The following GUCY1A2 variants were observed in gnomAD, a reference collection of about 807,000 sequenced individuals.
The protein encoded by GUCY1A2 is guanylate cyclase soluble subunit alpha-2.
In GUCY1A2, 27 loss-of-function variants were observed where a neutral mutation model predicts 63.5. The ratio of observed to expected loss-of-function variants is 0.43; its 90% CI spans 0.31 to 0.59. GUCY1A2 has a LOEUF of 0.59. Ranked by LOEUF, GUCY1A2 falls within the 20% of genes least tolerant of loss-of-function variation. The pLI, the probability that GUCY1A2 is intolerant of heterozygous loss-of-function variation, is 0.11. For missense variants in GUCY1A2, 768 were observed against 913.3 expected, an observed-to-expected ratio of 0.84 and a Z score of 2.05; for synonymous variants, 364 against 343.5, an observed-to-expected ratio of 1.06 and a Z score of -0.66.
At chr11:106,907,471 T>A (rs989327653) in intron 4 of GUCY1A2, among the ~76,000 whole-genome samples, 6 of 151,968 alleles carry the variant, frequency 3.9e-5, no homozygotes, top group African/African-American at 1.4e-4. Flanking sequence ...TAGTTACATA[T>A]GTATACATGT....
chr11:106,787,520 G>A (rs1263030451), intron 5 of GUCY1A2, among the ~76,000 whole-genome samples: 9 of 141,242 alleles, frequency 6.4e-5, no homozygotes, highest in Middle Eastern at 3.6e-3. Flanking sequence ...AAAGGAAAGA[G>A]AGAAAGGGAG....
chr11:107,000,013 C>G (rs2120179096), intron 1 of GUCY1A2, among the ~76,000 whole-genome samples: 1 of 152,284 alleles, frequency 6.6e-6, no homozygotes, highest in Admixed American at 6.5e-5. Flanking sequence ...CTTAGAAAAT[C>G]AGTAGGCAGC....
At chr11:106,823,833 A>G (rs1257782225) in intron 4 of GUCY1A2, among the ~76,000 whole-genome samples, 1 of 152,080 alleles carries the variant, frequency 6.6e-6, no homozygotes, top group Non-Finnish European at 1.5e-5. Context: ...ACTGATCATT[A>G]TATCATGTGT....
At chr11:106,982,004 CTACTT>C (rs1861342758) in intron 2 of GUCY1A2, among the ~76,000 whole-genome samples, 2 of 152,128 alleles carry the variant, frequency 1.3e-5, no homozygotes, top group African/African-American at 2.4e-5. Context: ...ACTATGCTAA[CTACTT>C]TATGTGATTA....
Position 106,679,168 on chromosome 11 carries a change from C to T in GUCY1A2, c.*8381G>A, listed in dbSNP as rs180765978. 2.0e-3 allele frequency: 376 copies of T among 186,176 alleles called. 9 individuals carry two copies. Among genetic ancestry groups the T allele is most frequent in the Non-Finnish European group, 1.0e-3 (90 of 88,062 alleles). The allele number at this position is 186,176 out of a possible 1,614,324, so 11.5% of individuals were successfully genotyped here. On this transcript the variant is annotated 3_prime_UTR_variant, in exon 8 of 8. Coordinates refer to ENST00000526355, the MANE Select transcript of GUCY1A2 (RefSeq NM_000855.3). The stretch of plus-strand genomic sequence containing the variant: ...AAAAATTGCTCAGGTTTGTTCCCTC[C>T]TTTTAAAGTTTCTGTTCTAAACAAA...
chr11:106,763,600 C>A (rs1864107227), intron 6 of GUCY1A2, among the ~76,000 whole-genome samples: 1 of 152,028 alleles, frequency 6.6e-6, no homozygotes, highest in Admixed American at 6.6e-5. Context: ...ATCCTAGAAT[C>A]AGAAAATCTG....
At position 106,753,521 on chromosome 11, in the gene GUCY1A2, C is replaced by G. The variant is rs571515300; in HGVS notation, c.1836+22918G>C. ...AGGTCTTACATTTAAGTCTTTAATCCATCTTGAATTAATTTTTGTATAAGG... is the reference window on the plus strand; with the variant it reads ...AGGTCTTACATTTAAGTCTTTAATCGATCTTGAATTAATTTTTGTATAAGG... On this transcript the variant is annotated intron_variant, in intron 6 of 7. Transcript: ENST00000526355. Among the ~76,000 whole-genome samples, 3 of 152,154 alleles carry G rather than the reference C, an allele frequency of 2.0e-5. No individual in the cohort carries two copies. In the East Asian group the frequency reaches 5.8e-4, roughly 29 times the overall value.
chr11:107,001,155 A>G (rs968184406), intron 1 of GUCY1A2, among the ~76,000 whole-genome samples: 1 of 152,218 alleles, frequency 6.6e-6, no homozygotes, highest in Non-Finnish European at 1.5e-5. Context: ...TCTTTCTGAA[A>G]TTTCATTCCT....
chr11:106,692,154 C>A (rs892038845), intron 7 of GUCY1A2, among the ~76,000 whole-genome samples: 3 of 152,146 alleles, frequency 2.0e-5, no homozygotes, highest in African/African-American at 7.2e-5. Context: ...GCCTAACAAT[C>A]CATTTCTTTA....
chr11:106,795,349 C>T (rs1864736651), intron 5 of GUCY1A2, among the ~76,000 whole-genome samples: 1 of 152,116 alleles, frequency 6.6e-6, no homozygotes, highest in Admixed American at 6.6e-5. Flanking sequence ...GAGGCGATGA[C>T]ACTAATTATG....
At chr11:106,802,824 T>C (rs2135419865) in intron 5 of GUCY1A2, among the ~76,000 whole-genome samples, 1 of 152,228 alleles carries the variant, frequency 6.6e-6, no homozygotes, top group South Asian at 2.1e-4. Flanking sequence ...CAAGACCTCA[T>C]CTAAACTTGA....
At chr11:106,709,633 TAC>T (rs1426747149) in intron 6 of GUCY1A2, among the ~76,000 whole-genome samples, 3 of 107,212 alleles carry the variant, frequency 2.8e-5, no homozygotes, top group African/African-American at 1.4e-4. Context: ...ATATATTATA[TAC>T]ACGTATAGAA....
intron 4 of GUCY1A2, among the ~76,000 whole-genome samples, chr11:106,918,007 G>A (rs1461269615): frequency 7.0e-6 from 1 of 142,976 alleles, no homozygotes; most frequent in African/African-American, 2.5e-5. Flanking sequence ...AGACAATAAT[G>A]TGATTCCTCT....
intron 6 of GUCY1A2, among the ~76,000 whole-genome samples, chr11:106,757,152 TTG>T (rs144262441): frequency 0.029 from 4,412 of 152,308 alleles, 102 homozygotes; most frequent in South Asian, 0.069. Flanking sequence ...CTATTGAAGC[TTG>T]TGTATACTTC....
intron 4 of GUCY1A2, among the ~76,000 whole-genome samples, chr11:106,850,809 G>A (rs913938670): frequency 6.6e-6 from 1 of 151,880 alleles, no homozygotes; most frequent in Non-Finnish European, 1.5e-5. Context: ...ACATGTGAGT[G>A]TCAGCAACTT....
At chr11:106,834,008 GAATT>G (rs1274401137) in intron 4 of GUCY1A2, among the ~76,000 whole-genome samples, 1 of 151,850 alleles carries the variant, frequency 6.6e-6, no homozygotes, top group Non-Finnish European at 1.5e-5. Flanking sequence ...TATATACTGT[GAATT>G]GATTACCATA....
rs138257433 is a variant in GUCY1A2, at chr11:106,676,750, AT to A, written c.*10798del. On this transcript the variant is annotated 3_prime_UTR_variant, in exon 8 of 8. Coordinates refer to ENST00000526355, the MANE Select transcript of GUCY1A2 (RefSeq NM_000855.3). Reference sequence around the variant, plus strand: ...CAATTTCCCTACAAACAGAAAAAGCATTTTTTTTTTCTATTTCAGTCTTTAG... The same window carrying A: ...CAATTTCCCTACAAACAGAAAAAGCATTTTTTTTTCTATTTCAGTCTTTAG... 0.097 allele frequency: 18,142 copies of A among 187,926 alleles called. 1,128 individuals are homozygous for A. The highest frequency in any genetic ancestry group is 0.14 in the Non-Finnish European group (12,778 of 90,126). 11.6% of individuals were successfully genotyped at this position (187,926 alleles called of 1,614,324 possible).
At chr11:106,850,053 C>A (rs2135449811) in intron 4 of GUCY1A2, among the ~76,000 whole-genome samples, 1 of 151,762 alleles carries the variant, frequency 6.6e-6, no homozygotes, top group East Asian at 1.9e-4. Flanking sequence ...ATCTCTCTCC[C>A]TCCCTGCGTC....
intron 1 of GUCY1A2, 126 bp from the exon 2 acceptor site, chr11:106,986,257 A>C (rs1483329025): frequency 3.6e-6 from 2 of 562,564 alleles, no homozygotes; most frequent in Non-Finnish European, 6.3e-6. Flanking sequence ...CTACAGTATT[A>C]ACCCATTTTG....
Sources: allele counts gnomAD v4.1 joint callset (sites outside exome capture counted in the v4.1 genomes callset), GRCh38; gene constraint gnomAD v4.1.1; transcripts MANE v1.5; gene names NCBI Gene and HGNC (gene_info 2026-07-23, HGNC 2026-07-21).